The following STRN3 variants were observed in gnomAD, a reference collection of about 807,000 sequenced individuals.
STRN3 encodes striatin-3.
A neutral mutation model predicts 95.6 loss-of-function variants in STRN3; 29 were observed. The ratio of observed to expected loss-of-function variants is 0.30; its 90% CI spans 0.23 to 0.41. The LOEUF is 0.41. Among genes scored for constraint, STRN3 ranks in the 10% least tolerant of loss-of-function variants. STRN3 has a pLI of 1.00. For missense variants in STRN3, 890 were observed against 972.1 expected, an observed-to-expected ratio of 0.92 and a Z score of 1.12; for synonymous variants, 331 against 357.6, an observed-to-expected ratio of 0.93 and a Z score of 0.84.
chr14:30,947,943 G>A (rs1879447045), intron 4 of STRN3, among the ~76,000 whole-genome samples: 2 of 152,254 alleles, frequency 1.3e-5, no homozygotes, highest in South Asian at 2.1e-4. Flanking sequence ...AATGAAGGAT[G>A]CTTAAAAGAT....
At chr14:31,012,030 C>A (rs182035410) in intron 1 of STRN3, among the ~76,000 whole-genome samples, 3 of 151,690 alleles carry the variant, frequency 2.0e-5, no homozygotes, top group Middle Eastern at 3.4e-3. Context: ...TGCAGTGAGC[C>A]GAGATCGCGC....
intron 5 of STRN3, among the ~76,000 whole-genome samples, chr14:30,941,547 C>T (rs74040963): frequency 0.086 from 13,024 of 152,110 alleles, 889 homozygotes; most frequent in East Asian, 0.21. Context: ...AAATACACTA[C>T]CATTCTTTGG....
intron 9 of STRN3, 108 bp from the exon 10 acceptor site, chr14:30,913,765 T>A: frequency 7.8e-7 from 1 of 1,287,306 alleles, no homozygotes. Context: ...GTAATATAAT[T>A]AATTTTTATT....
At chr14:30,913,486 T>C (rs748854429) in intron 10 of STRN3, 38 bp downstream of exon 10, 47 of 1,539,658 alleles carry the variant, frequency 3.1e-5, no homozygotes, top group Non-Finnish European at 3.9e-5. Context: ...GAGCCTTCTA[T>C]TAAATCATTA....
At chr14:30,933,676 T>G (rs910656045) in intron 7 of STRN3, among the ~76,000 whole-genome samples, 1 of 152,174 alleles carries the variant, frequency 6.6e-6, no homozygotes, top group East Asian at 1.9e-4. Flanking sequence ...AGTACAAAAA[T>G]GTAGTCTAGA....
chr14:31,025,871 C>A (rs759605181), intron 1 of STRN3, 33 bp downstream of exon 1: 2 of 1,583,020 alleles, frequency 1.3e-6, no homozygotes, highest in African/African-American at 1.3e-5. Flanking sequence ...ACCCAGCCGC[C>A]GCAGCTCCCG....
At chr14:30,916,863 A>G (rs1273443448) in intron 9 of STRN3, among the ~76,000 whole-genome samples, 1 of 152,174 alleles carries the variant, frequency 6.6e-6, no homozygotes, top group Non-Finnish European at 1.5e-5. Context: ...CTTTTGATGG[A>G]CACTTATGAT....
intron 1 of STRN3, among the ~76,000 whole-genome samples, chr14:30,966,099 C>T (rs769599111): frequency 2.6e-4 from 39 of 150,102 alleles, no homozygotes; most frequent in Admixed American, 5.9e-4. Flanking sequence ...AGCACTCACC[C>T]TGTCATTCTC....
intron 16 of STRN3, among the ~76,000 whole-genome samples, chr14:30,896,641 T>C (rs1433195686): frequency 1.3e-5 from 2 of 152,188 alleles, no homozygotes; most frequent in Non-Finnish European, 2.9e-5. Flanking sequence ...GACTATTTTA[T>C]ATACTGGGCT....
At chr14:30,966,740 A>AC (rs1880531795) in intron 1 of STRN3, among the ~76,000 whole-genome samples, 1 of 152,120 alleles carries the variant, frequency 6.6e-6, no homozygotes, top group African/African-American at 2.4e-5. Context: ...GTGGATGGTG[A>AC]CAAGTCCTAC....
intron 1 of STRN3, among the ~76,000 whole-genome samples, chr14:30,984,288 A>AC (rs1415565377): frequency 3.0e-5 from 4 of 132,564 alleles, no homozygotes; most frequent in Non-Finnish European, 7.0e-5. Context: ...AAAAAAAAAA[A>AC]AAAACAGAAA....
At chr14:30,989,894 T>C (rs1335377149) in intron 1 of STRN3, among the ~76,000 whole-genome samples, 10 of 152,012 alleles carry the variant, frequency 6.6e-5, no homozygotes, top group African/African-American at 2.4e-4. Flanking sequence ...TTAATATGAA[T>C]TGTCTGTCAT....
intron 1 of STRN3, among the ~76,000 whole-genome samples, chr14:30,974,659 T>C (rs1880999681): frequency 2.0e-5 from 3 of 149,934 alleles, no homozygotes; most frequent in African/African-American, 7.4e-5. Context: ...CAAATATTTG[T>C]CAGGTGCTAT....
intron 9 of STRN3, among the ~76,000 whole-genome samples, chr14:30,918,349 A>G (rs1896792135): frequency 6.6e-6 from 1 of 152,042 alleles, no homozygotes; most frequent in South Asian, 2.1e-4. Context: ...TCTACTAAAA[A>G]TACAAAAAAT....
At chr14:31,006,788 A>G (rs1882738856) in intron 1 of STRN3, among the ~76,000 whole-genome samples, 2 of 152,216 alleles carry the variant, frequency 1.3e-5, no homozygotes, top group Admixed American at 1.3e-4. Flanking sequence ...AAGAGACATG[A>G]AAGTTCAAAG....
chr14:30,951,142 C>G (rs1879619974), intron 3 of STRN3, among the ~76,000 whole-genome samples, 198 bp from the exon 4 acceptor site: 1 of 152,162 alleles, frequency 6.6e-6, no homozygotes, highest in Admixed American at 6.5e-5. Flanking sequence ...GACTTAAGTA[C>G]TATGTCCCCC....
chr14:30,959,901 G>A (rs554133745), intron 1 of STRN3, among the ~76,000 whole-genome samples: 18 of 152,136 alleles, frequency 1.2e-4, no homozygotes, highest in African/African-American at 3.9e-4. Flanking sequence ...CAACCTAAAC[G>A]GACTAGCTGA....
intron 1 of STRN3, chr14:31,018,726 C>T (rs113774885): frequency 8.7e-6 from 4 of 461,868 alleles, no homozygotes; most frequent in African/African-American, 4.1e-5. Context: ...GCGTAAAATG[C>T]GAAGATGAGG....
intron 7 of STRN3, among the ~76,000 whole-genome samples, chr14:30,933,289 A>AAAC (rs1878639947): frequency 6.7e-6 from 1 of 149,960 alleles, no homozygotes; most frequent in Non-Finnish European, 1.5e-5. Flanking sequence ...ATAAAAAAAA[A>AAAC]AAAAAAAAAA....
Sources: allele counts gnomAD v4.1 joint callset (sites outside exome capture counted in the v4.1 genomes callset), GRCh38; gene constraint gnomAD v4.1.1; transcripts MANE v1.5; gene names NCBI Gene and HGNC (gene_info 2026-07-23, HGNC 2026-07-21).